BCL2: variants seen among roughly 807,000 people sequenced by gnomAD.
BCL2 encodes the protein BCL2 apoptosis regulator.
In BCL2, 1 loss-of-function variant was observed where a neutral mutation model predicts 14.2. That is an observed-to-expected ratio of 0.07 (90% confidence interval 0.02 to 0.33). The LOEUF (loss-of-function observed/expected upper bound fraction) is 0.33, where lower values mean the gene tolerates loss of function less well. BCL2 is among the 10% of genes least tolerant of loss of function. BCL2 has a pLI of 0.99. For missense variants in BCL2, 247 were observed against 305.9 expected (o/e 0.81, Z 1.44); for synonymous variants, 151 against 137.2 (o/e 1.10, Z -0.70).
intron 2 of BCL2, among the ~76,000 whole-genome samples, chr18:63,218,178 C>G (rs944969540): frequency 2.6e-5 from 4 of 152,148 alleles, no homozygotes; most frequent in Non-Finnish European, 5.9e-5. Flanking sequence ...ACCCAATTCT[C>G]TTTCTTTCTT....
chr18:63,299,533 A>C (rs562369414), intron 2 of BCL2, among the ~76,000 whole-genome samples: 1 of 152,294 alleles, frequency 6.6e-6, no homozygotes, highest in East Asian at 1.9e-4. Flanking sequence ...AAATCCAGCC[A>C]TGTCACTTAG....
In BCL2 at chr18:63,123,711, C is replaced by G. The variant is rs540538416; in HGVS notation, c.*4914G>C. ...AACAAAAGCAAACCTTGGTTGAAAA[C>G]TTAAGAAGGTATAATAAACAAAACC... On this transcript the variant is annotated 3_prime_UTR_variant, in exon 3 of 3. Transcript: ENST00000333681. 1 of 213,838 alleles carries G rather than the reference C, an allele frequency of 4.7e-6. No individual in the cohort carries two copies. Among genetic ancestry groups the G allele is most frequent in the Non-Finnish European group, 9.4e-6 (1 of 105,962 alleles). The allele number at this position is 213,838 out of a possible 1,614,324, so 13.2% of individuals were successfully genotyped here.
intron 2 of BCL2, among the ~76,000 whole-genome samples, chr18:63,305,997 C>T (rs1038154247): frequency 6.6e-6 from 1 of 152,048 alleles, no homozygotes; most frequent in East Asian, 1.9e-4. Context: ...ATCACTTGAG[C>T]CCCGGAGTTC....
At chr18:63,293,411 C>G (rs1328549556) in intron 2 of BCL2, among the ~76,000 whole-genome samples, 1 of 152,188 alleles carries the variant, frequency 6.6e-6, no homozygotes, top group Non-Finnish European at 1.5e-5. Flanking sequence ...AGGTTGTCAC[C>G]TGCTTGATCT....
At chr18:63,248,905 C>T (rs1295634738) in intron 2 of BCL2, among the ~76,000 whole-genome samples, 2 of 152,120 alleles carry the variant, frequency 1.3e-5, no homozygotes, top group Admixed American at 1.3e-4. Context: ...TGGTTTAAAA[C>T]CATAGAGCAG....
At chr18:63,206,166 T>C (rs1220312340) in intron 2 of BCL2, among the ~76,000 whole-genome samples, 2 of 152,206 alleles carry the variant, frequency 1.3e-5, no homozygotes, top group Non-Finnish European at 2.9e-5. Context: ...GCTCGGTAAG[T>C]GTGCATGCAG....
In BCL2 at chr18:63,190,870, A is replaced by G. The variant is rs949829730; in HGVS notation, c.586-62111T>C. On this transcript the variant is annotated intron_variant, in intron 2 of 2. Transcript: ENST00000333681. Reference sequence around the variant, plus strand: ...CTCTCCCTCTCCTCGCCCACCCTCAACAGGCTCCAGTGTGTTGTTCCCCTC... The same window carrying G: ...CTCTCCCTCTCCTCGCCCACCCTCAGCAGGCTCCAGTGTGTTGTTCCCCTC... Among the ~76,000 whole-genome samples the G allele has an allele frequency of 4.6e-5, 7 of 152,190 alleles. No homozygotes were observed. In the South Asian group the frequency reaches 1.5e-3, roughly 32 times the overall value.
At chr18:63,275,434 C>T (rs1912125254) in intron 2 of BCL2, among the ~76,000 whole-genome samples, 2 of 152,086 alleles carry the variant, frequency 1.3e-5, no homozygotes, top group South Asian at 4.2e-4. Context: ...CCCGGGACCA[C>T]TAAACCAAAC....
At chr18:63,198,205 C>T (rs1909504451) in intron 2 of BCL2, among the ~76,000 whole-genome samples, 1 of 151,660 alleles carries the variant, frequency 6.6e-6, no homozygotes, top group East Asian at 1.9e-4. Context: ...CAGAGACACA[C>T]ACAGACACAC....
chr18:63,256,517 A>G (rs1911481413), intron 2 of BCL2, among the ~76,000 whole-genome samples: 1 of 152,210 alleles, frequency 6.6e-6, no homozygotes, highest in Admixed American at 6.5e-5. Context: ...ATGCCCGGCC[A>G]ACTTTATGGT....
intron 2 of BCL2, among the ~76,000 whole-genome samples, chr18:63,301,612 A>T (rs1473104988): frequency 6.6e-6 from 1 of 152,222 alleles, no homozygotes; most frequent in Non-Finnish European, 1.5e-5. Flanking sequence ...AGAAACAATG[A>T]TCTCCGAAGG....
At chr18:63,299,630 C>T (rs1380652754) in intron 2 of BCL2, among the ~76,000 whole-genome samples, 3 of 152,152 alleles carry the variant, frequency 2.0e-5, no homozygotes, top group Admixed American at 1.3e-4. Context: ...CCTTGGAGAG[C>T]GAGCCTCCAC....
At position 63,318,549 on chromosome 18, in the gene BCL2, G is replaced by A; in HGVS notation, c.118C>T (p.Pro40Ser). Residue 40 changes from proline to serine, a missense_variant, in exon 2 of 3, where the codon CCG becomes TCG. Physicochemically the swap from Pro to Ser is moderately conservative, Grantham distance 74. Coordinates refer to ENST00000333681, the MANE Select transcript of BCL2 (RefSeq NM_000633.3). This position sits in a 1 kb window ranked among gnomAD's most constrained non-coding sequence, Gnocchi z 7.4. ...ATGCCCGGTGCGGGGGCGGCCCCCG[G>A]GGGCGCGGCGCCCACATCTCCCGCA... ...WDAGDVGAAP[P>S]GAAPAPGIFS... 1.9e-6 allele frequency: 3 copies of A among 1,589,572 alleles called. No homozygotes were observed. The highest frequency in any genetic ancestry group is 2.6e-6 in the Non-Finnish European group (3 of 1,170,906).
At chr18:63,245,971 G>C (rs976812580) in intron 2 of BCL2, among the ~76,000 whole-genome samples, 1 of 152,152 alleles carries the variant, frequency 6.6e-6, no homozygotes, top group African/African-American at 2.4e-5. Context: ...CTAAGAAATG[G>C]AGTCTACTGA....
chr18:63,269,188 A>C (rs541457239), intron 2 of BCL2, among the ~76,000 whole-genome samples: 1 of 152,266 alleles, frequency 6.6e-6, no homozygotes, highest in Non-Finnish European at 1.5e-5. Flanking sequence ...TCCTGGGCTC[A>C]ATTAATCCTA....
At chr18:63,189,133 A>T (rs1395500887) in intron 2 of BCL2, among the ~76,000 whole-genome samples, 1 of 151,334 alleles carries the variant, frequency 6.6e-6, no homozygotes, top group Non-Finnish European at 1.5e-5. Context: ...TTCAAAATTA[A>T]GGTCAAAGCG....
In BCL2 at chr18:63,237,148, G is replaced by T. The variant is rs144530600; in HGVS notation, c.585+80934C>A. ...GGCCCCCACCCCACCTCTATACCAC[G>T]ACCCCTCTCCCAGCCCGGGGACTGT... On this transcript the variant is annotated intron_variant, in intron 2 of 2. Transcript: ENST00000333681. Among the ~76,000 whole-genome samples the T allele has an allele frequency of 4.1e-3, 623 of 152,080 alleles. 4 individuals are homozygous for T. The highest frequency in any genetic ancestry group is 0.01 in the Middle Eastern group (3 of 294).
intron 2 of BCL2, among the ~76,000 whole-genome samples, chr18:63,166,246 TG>T (rs983697781): frequency 2.0e-5 from 3 of 151,448 alleles, no homozygotes; most frequent in African/African-American, 4.9e-5. Context: ...GCTCCCAGAG[TG>T]GGGAGAAGGA....
intron 2 of BCL2, among the ~76,000 whole-genome samples, chr18:63,282,488 G>A (rs1422778082): frequency 6.6e-6 from 1 of 152,122 alleles, no homozygotes; most frequent in African/African-American, 2.4e-5. Context: ...AATAAAGAAA[G>A]TTGACTTCAT....
Sources: allele counts gnomAD v4.1 joint callset (sites outside exome capture counted in the v4.1 genomes callset), GRCh38; gene constraint gnomAD v4.1.1; non-coding constraint Gnocchi (gnomAD v3.1); transcripts MANE v1.5; gene names NCBI Gene and HGNC (gene_info 2026-07-23, HGNC 2026-07-21).